The following MANBAL variants were observed in gnomAD, a reference collection of about 807,000 sequenced individuals.
MANBAL encodes protein MANBAL.
MANBAL carries 1 observed loss-of-function variant against 6.4 expected under a neutral mutation model. The ratio of observed to expected loss-of-function variants is 0.16; its 90% CI spans 0.06 to 0.74. The LOEUF is 0.74. Ranked by LOEUF, MANBAL falls within the 30% of genes least tolerant of loss-of-function variation. The pLI, the probability that MANBAL is intolerant of heterozygous loss-of-function variation, is 0.78. For synonymous variants in MANBAL, 47 were observed against 45.8 expected, an observed-to-expected ratio of 1.03 and a Z score of -0.10; for missense variants, 100 against 107.8, an observed-to-expected ratio of 0.93 and a Z score of 0.32.
intron 2 of MANBAL, among the ~76,000 whole-genome samples, chr20:37,309,695 G>A (rs2069338504): frequency 6.6e-6 from 1 of 152,160 alleles, no homozygotes; most frequent in Admixed American, 6.5e-5. Flanking sequence ...GCTCATTCCT[G>A]TGGTGCAGTA....
rs752756256 is a variant in MANBAL, at chr20:37,305,062, C to T, written c.150+3649C>T. 8.5e-5 allele frequency among the ~76,000 whole-genome samples: 13 copies of T among 152,198 alleles called. No homozygotes were observed. The East Asian group carries it at 9.7e-4, about 11-fold the overall frequency. On this transcript the variant is annotated intron_variant, in intron 2 of 2. Coordinates refer to ENST00000373606, the MANE Select transcript of MANBAL (RefSeq NM_001003897.2). ...AAACCTTGGTGAACAGGGATGGGTT[C>T]GTGGCCTCTAGGTTGTCTTGTCCAT... is the stretch of plus-strand genomic sequence containing the variant.
chr20:37,294,632 G>T (rs1175138399), intron 1 of MANBAL, among the ~76,000 whole-genome samples: 1 of 152,224 alleles, frequency 6.6e-6, no homozygotes, highest in Non-Finnish European at 1.5e-5. Flanking sequence ...ATGTTTAAAT[G>T]ACTTCTTCCT....
intron 2 of MANBAL, among the ~76,000 whole-genome samples, chr20:37,310,327 A>C (rs1365468269): frequency 6.6e-6 from 1 of 152,202 alleles, no homozygotes; most frequent in Admixed American, 6.5e-5. Context: ...TCAGGCCCTC[A>C]TGGCCCGCTG....
intron 1 of MANBAL, among the ~76,000 whole-genome samples, chr20:37,296,288 G>A (rs2068995094): frequency 1.3e-5 from 2 of 152,164 alleles, no homozygotes; most frequent in East Asian, 3.8e-4. Context: ...GAAGTAGGTA[G>A]GGCATAGATT....
intron 1 of MANBAL, among the ~76,000 whole-genome samples, chr20:37,293,803 C>T (rs1294682955): frequency 1.3e-5 from 2 of 152,214 alleles, no homozygotes; most frequent in Non-Finnish European, 2.9e-5. Flanking sequence ...TTCCTTTTGC[C>T]TTCAGTCTTA....
At chr20:37,305,454 G>T (rs555980844) in intron 2 of MANBAL, among the ~76,000 whole-genome samples, 2 of 152,236 alleles carry the variant, frequency 1.3e-5, no homozygotes, top group South Asian at 2.1e-4. Flanking sequence ...TTTTCAGTGG[G>T]ATAGTGCGTT....
At chr20:37,308,104 C>T (rs897380188) in intron 2 of MANBAL, among the ~76,000 whole-genome samples, 2 of 152,270 alleles carry the variant, frequency 1.3e-5, no homozygotes, top group Admixed American at 6.5e-5. Flanking sequence ...AGATGCAGCA[C>T]AGCCACTAAA....
At chr20:37,315,763 CCTGGCATT>C (rs2069498266) in intron 2 of MANBAL, among the ~76,000 whole-genome samples, 1 of 152,220 alleles carries the variant, frequency 6.6e-6, no homozygotes, top group Admixed American at 6.5e-5. Context: ...CCCTCCCAGT[CCTGGCATT>C]CTGTGGGTTG....
chr20:37,300,446 A>G (rs2069107890), intron 1 of MANBAL, among the ~76,000 whole-genome samples: 1 of 152,216 alleles, frequency 6.6e-6, no homozygotes. Context: ...CAAAATGCTT[A>G]TCACTACCTG....
At chr20:37,298,630 G>C (rs137959465) in intron 1 of MANBAL, 1 of 151,858 alleles carries the variant, frequency 6.6e-6, no homozygotes, top group East Asian at 1.9e-4. Context: ...TATATACTAC[G>C]TTTTGCTTAT....
chr20:37,292,010 G>A (rs1451445435), intron 1 of MANBAL, among the ~76,000 whole-genome samples: 4 of 152,206 alleles, frequency 2.6e-5, no homozygotes, highest in Admixed American at 6.5e-5. Flanking sequence ...ATCATATCAA[G>A]GGTACATACT....
At chr20:37,309,253 T>A (rs774123823) in intron 2 of MANBAL, among the ~76,000 whole-genome samples, 12 of 152,132 alleles carry the variant, frequency 7.9e-5, no homozygotes, top group Non-Finnish European at 1.5e-4. Context: ...AGTGCCCTTA[T>A]CAGTCGGGAT....
intron 1 of MANBAL, among the ~76,000 whole-genome samples, chr20:37,295,404 T>C: frequency 6.6e-6 from 1 of 152,238 alleles, no homozygotes; most frequent in East Asian, 1.9e-4. Flanking sequence ...TGTAGATGGA[T>C]GTTGAAAAAG....
chr20:37,298,251 G>A (rs1009179431), intron 1 of MANBAL, among the ~76,000 whole-genome samples: 3 of 152,094 alleles, frequency 2.0e-5, no homozygotes, highest in Admixed American at 1.3e-4. Flanking sequence ...CAAAATATAT[G>A]TAACAAATTT....
chr20:37,310,453 A>T (rs2069359106), intron 2 of MANBAL, among the ~76,000 whole-genome samples: 1 of 152,252 alleles, frequency 6.6e-6, no homozygotes, highest in Non-Finnish European at 1.5e-5. Flanking sequence ...TTAGAGGGTC[A>T]TGCAAGATAA....
chr20:37,314,994 C>T lies in MANBAL; in HGVS notation c.151-1314C>T, dbSNP rs11907969. On this transcript the variant is annotated intron_variant, in intron 2 of 2. Coordinates refer to ENST00000373606, the MANE Select transcript of MANBAL (RefSeq NM_001003897.2). The stretch of plus-strand genomic sequence containing the variant: ...TTTTTCTCATCTGGAAGTGTCCCCC[C>T]TCCCAGGAGTCTTAGTCTGCTTCTT... Among the ~76,000 whole-genome samples, 887 of 152,336 alleles carry T rather than the reference C, an allele frequency of 5.8e-3. 10 individuals are homozygous for T. The highest frequency in any genetic ancestry group is 0.02 in the African/African-American group (836 of 41,556).
chr20:37,316,433 G>C lies in MANBAL; in HGVS notation c.*18G>C, dbSNP rs1380966713. Reference sequence around the variant, plus strand: ...AGCGGTAGAAGAGGAGGCCTGAGGAGCTGGGCGGGCAGGGAGAGGGTCTTG... The same window carrying C: ...AGCGGTAGAAGAGGAGGCCTGAGGACCTGGGCGGGCAGGGAGAGGGTCTTG... On this transcript the variant is annotated 3_prime_UTR_variant, in exon 3 of 3. Coordinates refer to ENST00000373606, the MANE Select transcript of MANBAL (RefSeq NM_001003897.2). 4 of 1,606,360 alleles carry C rather than the reference G, an allele frequency of 2.5e-6. No individual in the cohort carries two copies. The highest frequency in any genetic ancestry group is 3.4e-6 in the Non-Finnish European group (4 of 1,175,106).
rs150381837 is a variant in MANBAL, at chr20:37,293,657, C to T, written c.-57+3971C>T. 2.0e-3 allele frequency among the ~76,000 whole-genome samples: 299 copies of T among 152,290 alleles called. 2 individuals are homozygous for T. The highest frequency in any genetic ancestry group is 6.9e-3 in the African/African-American group (285 of 41,536). On this transcript the variant is annotated intron_variant, in intron 1 of 2. Coordinates refer to ENST00000373606, the MANE Select transcript of MANBAL (RefSeq NM_001003897.2). ...CTGTAACCTCCCACTCCACCTGTGA[C>T]AAACCCGACTCCCACCATTCACCAT... is the stretch of plus-strand genomic sequence containing the variant.
intron 2 of MANBAL, among the ~76,000 whole-genome samples, chr20:37,309,716 C>T (rs894593662): frequency 6.6e-6 from 1 of 152,160 alleles, no homozygotes; most frequent in Non-Finnish European, 1.5e-5. Flanking sequence ...GGACAGTGGC[C>T]TAGAAGGTCA....
Sources: allele counts gnomAD v4.1 joint callset (sites outside exome capture counted in the v4.1 genomes callset), GRCh38; gene constraint gnomAD v4.1.1; transcripts MANE v1.5; gene names NCBI Gene and HGNC (gene_info 2026-07-23, HGNC 2026-07-21).